The following CEP128 variants were observed in gnomAD, a reference collection of about 807,000 sequenced individuals.
CEP128 encodes centrosomal protein 128kDa.
Under a neutral mutation model 156.7 loss-of-function variants are expected in CEP128, and 132 were observed. The ratio of observed to expected loss-of-function variants is 0.84; its 90% CI spans 0.73 to 0.97. CEP128 has a LOEUF of 0.97. Among genes scored for constraint, CEP128 ranks in the 50% least tolerant of loss-of-function variants. CEP128 has a pLI of 0.00. For synonymous variants in CEP128, 469 were observed against 448.9 expected, an observed-to-expected ratio of 1.04 and a Z score of -0.57; for missense variants, 1,252 against 1,281.9, an observed-to-expected ratio of 0.98 and a Z score of 0.36.
chr14:80,651,513 T>C (rs1472887542), intron 19 of CEP128, among the ~76,000 whole-genome samples: 1 of 152,122 alleles, frequency 6.6e-6, no homozygotes, highest in Non-Finnish European at 1.5e-5. Flanking sequence ...GATGTTAGGG[T>C]GTTGATTTTA....
rs543965442 is a variant in CEP128 at position 80,577,802 on chromosome 14, T to C, written c.2856+2572A>G. ...GTCCAAACTCCTCCACGAGGTCCTT[T>C]AGATCTCTGTTTACTTAAAAAATTC... On this transcript the variant is annotated intron_variant, in intron 20 of 24. Coordinates refer to ENST00000555265, the MANE Select transcript of CEP128 (RefSeq NM_152446.5). 7.2e-5 allele frequency among the ~76,000 whole-genome samples: 11 copies of C among 152,348 alleles called. No individual in the cohort carries two copies. The East Asian group carries it at 1.2e-3, about 16-fold the overall frequency.
chr14:80,824,050 C>T (rs117080030), intron 13 of CEP128, among the ~76,000 whole-genome samples: 2,002 of 152,342 alleles, frequency 0.013, 22 homozygotes, highest in Non-Finnish European at 0.018. Context: ...GACTTCTGTG[C>T]ACCCGTACAC....
chr14:80,559,168 A>G, intron 21 of CEP128, 111 bp downstream of exon 21: 1 of 931,912 alleles, frequency 1.1e-6, no homozygotes, highest in African/African-American at 1.7e-5. Flanking sequence ...GACATCTTAG[A>G]TGTAGTTTTC....
At chr14:80,783,832 A>G (rs1231580913) in intron 15 of CEP128, among the ~76,000 whole-genome samples, 2 of 152,098 alleles carry the variant, frequency 1.3e-5, no homozygotes, top group Non-Finnish European at 2.9e-5. Flanking sequence ...TGCATCTTAT[A>G]AGGTGTCTTA....
intron 8 of CEP128, among the ~76,000 whole-genome samples, chr14:80,886,714 G>A (rs779359948): frequency 3.9e-5 from 6 of 152,162 alleles, no homozygotes; most frequent in East Asian, 1.9e-4. Context: ...GGAAGAAACC[G>A]CATTAACTAA....
intron 2 of CEP128, among the ~76,000 whole-genome samples, chr14:80,921,618 A>G (rs1884867063): frequency 2.0e-5 from 3 of 152,160 alleles, no homozygotes; most frequent in Non-Finnish European, 4.4e-5. Context: ...AGTGGGGAGA[A>G]ACAGAACAAA....
chr14:80,885,783 C>T (rs1053650750), intron 8 of CEP128, among the ~76,000 whole-genome samples: 8 of 152,042 alleles, frequency 5.3e-5, no homozygotes, highest in Non-Finnish European at 1.0e-4. Context: ...ATGTGTTTGA[C>T]AAATTGACGG....
At chr14:80,723,246 C>G (rs774105588) in intron 19 of CEP128, among the ~76,000 whole-genome samples, 2 of 152,282 alleles carry the variant, frequency 1.3e-5, no homozygotes, top group East Asian at 3.9e-4. Context: ...AGTCAAACTA[C>G]TACCAATAGA....
At chr14:80,730,519 G>GA (rs1182770756) in intron 19 of CEP128, among the ~76,000 whole-genome samples, 4 of 152,182 alleles carry the variant, frequency 2.6e-5, no homozygotes, top group Non-Finnish European at 5.9e-5. Context: ...AAAGGAGGAA[G>GA]AAACTGTGGA....
At chr14:80,862,066 G>T (rs1406105242) in intron 9 of CEP128, among the ~76,000 whole-genome samples, 1 of 152,222 alleles carries the variant, frequency 6.6e-6, no homozygotes, top group East Asian at 1.9e-4. Flanking sequence ...ATCTATGTCT[G>T]CAATTTCAAA....
At position 80,916,417 on chromosome 14, in the gene CEP128, A is replaced by G. The variant is rs769323715; in HGVS notation, c.131T>C (p.Ile44Thr). The G allele has an allele frequency of 6.2e-7, 1 of 1,613,646 alleles. No homozygotes were observed. Among genetic ancestry groups the G allele is most frequent in the Non-Finnish European group, 8.5e-7 (1 of 1,179,786 alleles). The change falls in exon 3 of 25, where the codon ATA (isoleucine) becomes ACA (threonine). Residue 44 changes from isoleucine to threonine, a missense_variant. Physicochemically the swap from Ile to Thr is moderately conservative, Grantham distance 89 (BLOSUM62 -1). Coordinates refer to ENST00000555265, the MANE Select transcript of CEP128 (RefSeq NM_152446.5). ...TVEVTEKVNT[I>T]TSTLQDTSRN... ...TAAACTAACCTGTAAAGTACTTGTT[A>G]TAGTGTTGACCTTCTCGGTAACTTC...
intron 4 of CEP128, among the ~76,000 whole-genome samples, chr14:80,911,129 C>G (rs775097302): frequency 1.3e-5 from 2 of 152,206 alleles, no homozygotes; most frequent in Non-Finnish European, 2.9e-5. Context: ...ATTGACTACA[C>G]TCCAACCTAA....
At chr14:80,777,713 T>C (rs771691030) in intron 16 of CEP128, among the ~76,000 whole-genome samples, 169 bp downstream of exon 16, 17 of 152,328 alleles carry the variant, frequency 1.1e-4, no homozygotes, top group South Asian at 2.1e-4. Flanking sequence ...GAATGGGTGG[T>C]TGAAAGAATA....
At chr14:80,549,397 G>C (rs571741998) in intron 21 of CEP128, among the ~76,000 whole-genome samples, 1 of 152,226 alleles carries the variant, frequency 6.6e-6, no homozygotes, top group East Asian at 1.9e-4. Context: ...CCTGATTCTG[G>C]GTCAAAACTG....
chr14:80,941,323 AC>A (rs1886143239), intron 1 of CEP128, among the ~76,000 whole-genome samples: 1 of 152,144 alleles, frequency 6.6e-6, no homozygotes, highest in Non-Finnish European at 1.5e-5. Context: ...CAAAGGAAGG[AC>A]AATGTAGTCC....
chr14:80,806,073 G>A (rs539548141), intron 13 of CEP128, among the ~76,000 whole-genome samples: 2 of 152,062 alleles, frequency 1.3e-5, no homozygotes, highest in East Asian at 3.9e-4. Flanking sequence ...ATAGCCTACT[G>A]TCTTCTCTAT....
At chr14:80,645,202 G>A (rs1228513582) in intron 19 of CEP128, among the ~76,000 whole-genome samples, 9 of 152,070 alleles carry the variant, frequency 5.9e-5, no homozygotes, top group Non-Finnish European at 1.0e-4. Context: ...TGAAGAAATA[G>A]AAATATACTA....
chr14:80,834,751 A>C (rs1885986265), intron 12 of CEP128, among the ~76,000 whole-genome samples: 1 of 152,204 alleles, frequency 6.6e-6, no homozygotes, highest in South Asian at 2.1e-4. Context: ...ATCTTTATGA[A>C]GTTTGATGAA....
intron 8 of CEP128, among the ~76,000 whole-genome samples, chr14:80,881,514 T>C (rs1888552137): frequency 7.1e-6 from 1 of 140,288 alleles, no homozygotes; most frequent in Non-Finnish European, 1.6e-5. Context: ...ATACTTACCC[T>C]ATTCAACCTA....
Sources: allele counts gnomAD v4.1 joint callset (sites outside exome capture counted in the v4.1 genomes callset), GRCh38; gene constraint gnomAD v4.1.1; transcripts MANE v1.5; gene names NCBI Gene and HGNC (gene_info 2026-07-23, HGNC 2026-07-21).